Variants in ATP8A2 observed in about 807,000 individuals in gnomAD.
ATP8A2 encodes the protein phospholipid-transporting ATPase IB.
In ATP8A2, 100 loss-of-function variants were observed where a neutral mutation model predicts 165.6. That is an observed-to-expected ratio of 0.60 (90% CI 0.51 to 0.71). ATP8A2 has a LOEUF of 0.71. Among genes scored for constraint, ATP8A2 ranks in the 30% least tolerant of loss-of-function variants. The pLI is 0.00. For synonymous variants in ATP8A2, 543 were observed against 548.8 expected (o/e 0.99, Z 0.15); for missense variants, 1,227 against 1,479.5 (o/e 0.83, Z 2.80).
chr13:25,906,799 C>G (rs1953948943), intron 33 of ATP8A2, among the ~76,000 whole-genome samples: 1 of 152,162 alleles, frequency 6.6e-6, no homozygotes, highest in South Asian at 2.1e-4. Context: ...CCTGAGTAAG[C>G]CATGTCTTCG....
At chr13:25,699,034 A>T (rs1437067328) in intron 24 of ATP8A2, 139 bp from the exon 25 acceptor site, 2 of 626,142 alleles carry the variant, frequency 3.2e-6, no homozygotes, top group African/African-American at 3.7e-5. Flanking sequence ...TTAATGTATA[A>T]ATGTGCAAAG....
intron 16 of ATP8A2, among the ~76,000 whole-genome samples, chr13:25,570,255 G>C (rs1329937812): frequency 6.6e-6 from 1 of 152,160 alleles, no homozygotes. Context: ...AGCATCTTCT[G>C]TTTATGGGGC....
At chr13:25,541,518 G>C (rs1332281686) in intron 8 of ATP8A2, among the ~76,000 whole-genome samples, 6 of 152,064 alleles carry the variant, frequency 3.9e-5, no homozygotes, top group Non-Finnish European at 1.5e-5. Flanking sequence ...GTGAGACCCT[G>C]TCTCTTAAAG....
intron 15 of ATP8A2, 45 bp from the exon 16 acceptor site, chr13:25,563,903 TAGCTTAAC>T (rs1383415941): frequency 7.6e-7 from 1 of 1,320,094 alleles, no homozygotes; most frequent in Non-Finnish European, 1.1e-6. Context: ...AGGTTTGGGT[TAGCTTAAC>T]AGAAACTTTT....
intron 27 of ATP8A2, among the ~76,000 whole-genome samples, chr13:25,803,601 G>A (rs537027700): frequency 4.6e-5 from 7 of 152,222 alleles, no homozygotes; most frequent in African/African-American, 1.7e-4. Context: ...CGTGTGCACA[G>A]ATCAGCCTCG....
chr13:25,731,993 G>A (rs2138094553), intron 25 of ATP8A2, among the ~76,000 whole-genome samples: 1 of 152,246 alleles, frequency 6.6e-6, no homozygotes, highest in South Asian at 2.1e-4. Flanking sequence ...CTCTTTTTCA[G>A]GACTCCGGGG....
intron 27 of ATP8A2, among the ~76,000 whole-genome samples, chr13:25,791,785 G>A (rs956813515): frequency 5.9e-5 from 9 of 152,146 alleles, no homozygotes; most frequent in Non-Finnish European, 1.0e-4. Context: ...CAGCCCATTA[G>A]TGTTAATATT....
At chr13:25,798,982 C>A (rs1381995369) in intron 27 of ATP8A2, among the ~76,000 whole-genome samples, 1 of 151,662 alleles carries the variant, frequency 6.6e-6, no homozygotes, top group Admixed American at 6.6e-5. Flanking sequence ...AGTGAGACCC[C>A]CATCTCTAAG....
intron 1 of ATP8A2, among the ~76,000 whole-genome samples, chr13:25,407,264 A>C (rs1232119184): frequency 2.0e-5 from 3 of 152,212 alleles, no homozygotes; most frequent in Non-Finnish European, 4.4e-5. Flanking sequence ...ACTCATTCTT[A>C]AAGCTTCATC....
chr13:25,559,295 G>A (rs1221189877), intron 14 of ATP8A2, among the ~76,000 whole-genome samples: 1 of 152,172 alleles, frequency 6.6e-6, no homozygotes, highest in African/African-American at 2.4e-5. Flanking sequence ...CACTTTGGGA[G>A]GCCGAGGCAG....
chr13:25,921,483 T>C (rs1593562796), intron 33 of ATP8A2, among the ~76,000 whole-genome samples: 1 of 149,650 alleles, frequency 6.7e-6, no homozygotes, highest in African/African-American at 2.5e-5. Context: ...AATAGCCAGG[T>C]GTGGTGGCGG....
intron 24 of ATP8A2, among the ~76,000 whole-genome samples, chr13:25,619,345 A>G (rs1215361828): frequency 1.3e-5 from 2 of 152,168 alleles, no homozygotes; most frequent in Non-Finnish European, 2.9e-5. Flanking sequence ...CTCAAAAGCC[A>G]ATGCAGCTCC....
At chr13:25,595,035 T>C (rs1337758443) in intron 24 of ATP8A2, among the ~76,000 whole-genome samples, 1 of 150,504 alleles carries the variant, frequency 6.6e-6, no homozygotes, top group Admixed American at 6.6e-5. Flanking sequence ...TATATGTATA[T>C]ATATATATAA....
intron 24 of ATP8A2, among the ~76,000 whole-genome samples, chr13:25,624,172 A>C (rs1367520794): frequency 6.6e-6 from 1 of 152,148 alleles, no homozygotes; most frequent in Non-Finnish European, 1.5e-5. Flanking sequence ...TTTCGTTTAC[A>C]CTTAACTAGT....
At chr13:25,458,143 A>G (rs1021569247) in intron 1 of ATP8A2, among the ~76,000 whole-genome samples, 9 of 152,234 alleles carry the variant, frequency 5.9e-5, no homozygotes, top group African/African-American at 1.4e-4. Context: ...GATTAGAAGG[A>G]ATGTCAAGAG....
intron 24 of ATP8A2, among the ~76,000 whole-genome samples, chr13:25,649,929 C>T (rs77098133): frequency 0.034 from 5,235 of 152,262 alleles, 153 homozygotes; most frequent in East Asian, 0.13. Flanking sequence ...GATCTGTACA[C>T]TCATTGCTTT....
At chr13:25,424,786 C>T (rs1006164086) in intron 1 of ATP8A2, among the ~76,000 whole-genome samples, 3 of 152,002 alleles carry the variant, frequency 2.0e-5, no homozygotes, top group East Asian at 1.9e-4. Context: ...GGTAAAACCC[C>T]GTCTCTACTA....
chr13:25,979,343 C>G (rs923760845), intron 35 of ATP8A2, among the ~76,000 whole-genome samples: 3 of 152,102 alleles, frequency 2.0e-5, no homozygotes, highest in African/African-American at 7.2e-5. Flanking sequence ...TTTAAAAAAA[C>G]CTGGCATGGA....
intron 35 of ATP8A2, among the ~76,000 whole-genome samples, chr13:25,972,313 A>T (rs1256307670): frequency 1.3e-5 from 2 of 152,224 alleles, no homozygotes; most frequent in African/African-American, 4.8e-5. Flanking sequence ...TCTCATTAGT[A>T]GATCTTGTCT....
Sources: gnomAD v4.1 joint callset for allele counts (sites outside exome capture counted in the v4.1 genomes callset) on GRCh38, gnomAD v4.1.1 for gene constraint, MANE v1.5 for transcripts, NCBI Gene and HGNC (gene_info 2026-07-23, HGNC 2026-07-21) for gene names.